The following TRPV4 variants were observed in gnomAD, a reference collection of about 807,000 sequenced individuals.
TRPV4 encodes the protein OSM9-like transient receptor potential channel 4.
TRPV4 carries 58 observed loss-of-function variants against 84.1 expected under a neutral mutation model. The observed-to-expected ratio is 0.69, with a 90% CI of 0.56 to 0.86. The LOEUF (loss-of-function observed/expected upper bound fraction) is 0.86, where lower values mean the gene tolerates loss of function less well. TRPV4 is among the 40% of genes least tolerant of loss of function. The probability of loss-of-function intolerance (pLI) is 0.00; values close to 1 mark genes in which losing one functional copy is unlikely to be tolerated. For missense variants in TRPV4, 879 were observed against 1,181.1 expected, an observed-to-expected ratio of 0.74 and a Z score of 3.75; for synonymous variants, 489 against 500.9, an observed-to-expected ratio of 0.98 and a Z score of 0.32.
intron 2 of TRPV4, among the ~76,000 whole-genome samples, chr12:109,813,975 G>GGATGGAT (rs964300686): frequency 1.3e-5 from 2 of 151,912 alleles, no homozygotes; most frequent in Non-Finnish European, 2.9e-5. Context: ...ATAGATGAAT[G>GGATGGAT]GATGGATGAT....
intron 4 of TRPV4, 124 bp from the exon 5 acceptor site, chr12:109,800,882 C>T: frequency 1.1e-6 from 1 of 887,108 alleles, no homozygotes; most frequent in South Asian, 1.4e-5. Context: ...AGAGTCCTGC[C>T]CAGCGACACC....
Position 109,800,676 on chromosome 12 carries a change from G to A in TRPV4, c.795C>T (p.His265=), listed in dbSNP as rs1344554. Residue 265 remains histidine, a synonymous_variant, in exon 5 of 16, where the codon CAC becomes CAT. Transcript: ENST00000261740. ...GGAAGAAGCGCCCACGGGCCTGGGCGTGGACATCAGCTCCCTGGGCCACGA... is the reference window on the plus strand; with the variant it reads ...GGAAGAAGCGCCCACGGGCCTGGGCATGGACATCAGCTCCCTGGGCCACGA... ...ELLVAQGADV[H]AQARGRFFQP... is the part of the protein sequence containing the mutation. The A allele has an allele frequency of 0.057, 92,318 of 1,614,104 alleles. 4,027 individuals carry two copies. Among genetic ancestry groups the A allele is most frequent in the African/African-American group, 0.17 (12,541 of 75,022 alleles).
Position 109,783,408 on chromosome 12 carries a change from C to G in TRPV4, c.*213G>C. The G allele has an allele frequency of 1.7e-6, 1 of 591,236 alleles. No homozygotes were observed. The highest frequency in any genetic ancestry group is 2.9e-6 in the Non-Finnish European group (1 of 342,604). 36.6% of individuals were successfully genotyped at this position (591,236 alleles called of 1,614,324 possible). On this transcript the variant is annotated 3_prime_UTR_variant, in exon 16 of 16. Coordinates refer to ENST00000261740, the MANE Select transcript of TRPV4 (RefSeq NM_021625.5). This position sits in a 1 kb window ranked among gnomAD's most constrained non-coding sequence, Gnocchi z 4.6. ...GGCTCTGGCGTTGGCTTATGTGACTCCATAGGAGCAAGACAGGTGGCCGGG... is the reference window on the plus strand; with the variant it reads ...GGCTCTGGCGTTGGCTTATGTGACTGCATAGGAGCAAGACAGGTGGCCGGG...
At position 109,794,453 on chromosome 12, in the gene TRPV4, T is replaced by C; in HGVS notation, c.1367A>G (p.Asn456Ser). 4 of 1,614,038 alleles carry C rather than the reference T, an allele frequency of 2.5e-6. No homozygotes were observed. The highest frequency in any genetic ancestry group is 2.2e-5 in the South Asian group (2 of 91,082). The change falls in exon 8 of 16, where the codon AAT becomes AGT. Residue 456 changes from asparagine (N) to serine (S), a missense_variant. Physicochemically the swap from Asn to Ser is conservative, Grantham distance 46. Coordinates refer to ENST00000261740, the MANE Select transcript of TRPV4 (RefSeq NM_021625.5). ...RHEMLAVEPI[N>S]ELLRDKWRKF... ...GCGCCACTTGTCCCGCAGCAGTTCA[T>C]TGATGGGCTCCACAGCCAGCATCTC...
chr12:109,813,868 GTAGATGGA>G (rs898317023), intron 2 of TRPV4, among the ~76,000 whole-genome samples: 12 of 151,738 alleles, frequency 7.9e-5, no homozygotes, highest in Middle Eastern at 3.4e-3. Context: ...TGGATGATGG[GTAGATGGA>G]TAGATGGATG....
chr12:109,792,531 C>A, intron 11 of TRPV4, 102 bp from the exon 12 acceptor site: 1 of 1,574,370 alleles, frequency 6.4e-7, no homozygotes, highest in South Asian at 1.1e-5. Context: ...GTGTCCAGAC[C>A]ATGCCTCCTG....
rs551719389 is a variant in TRPV4, at chr12:109,786,422, G to A, written c.2336+288C>T. Among the ~76,000 whole-genome samples, 3 of 152,320 alleles carry A rather than the reference G, an allele frequency of 2.0e-5. No individual in the cohort carries two copies. The highest frequency in any genetic ancestry group is 2.9e-5 in the Non-Finnish European group (2 of 68,026). On this transcript the variant is annotated intron_variant, in intron 14 of 15. Coordinates refer to ENST00000261740, the MANE Select transcript of TRPV4 (RefSeq NM_021625.5). This position sits in a 1 kb window ranked among gnomAD's most constrained non-coding sequence, Gnocchi z 4.5. ...AGGGGAGCCTGTGGCGTCCCGATGC[G>A]CGTCGGGCACTGGCTGAGCACTTCT... is the stretch of plus-strand genomic sequence containing the variant.
At chr12:109,800,204 C>T (rs1456292893) in intron 5 of TRPV4, among the ~76,000 whole-genome samples, 2 of 152,326 alleles carry the variant, frequency 1.3e-5, no homozygotes, top group East Asian at 3.9e-4. Flanking sequence ...CTCATCCTCC[C>T]AAAGTGCTGG....
At chr12:109,822,414 G>C (rs1892133504) in intron 1 of TRPV4, among the ~76,000 whole-genome samples, 1 of 152,266 alleles carries the variant, frequency 6.6e-6, no homozygotes, top group South Asian at 2.1e-4. Context: ...GGGGACATGT[G>C]GATAGGAAGG....
intron 2 of TRPV4, among the ~76,000 whole-genome samples, chr12:109,811,335 C>A (rs1304844470): frequency 6.6e-6 from 1 of 152,204 alleles, no homozygotes; most frequent in Non-Finnish European, 1.5e-5. Flanking sequence ...AGGGCCAACC[C>A]CACTGACTGG....
chr12:109,787,969 T>G (rs573535641), intron 13 of TRPV4, among the ~76,000 whole-genome samples: 49 of 152,358 alleles, frequency 3.2e-4, no homozygotes, highest in African/African-American at 1.1e-3. Flanking sequence ...CTAGGAAGCA[T>G]GCTCACAGTT....
intron 1 of TRPV4, among the ~76,000 whole-genome samples, chr12:109,818,000 G>A (rs529991336): frequency 2.0e-5 from 3 of 151,762 alleles, no homozygotes; most frequent in East Asian, 2.0e-4. Flanking sequence ...TAGGTACTGC[G>A]ATCGTTCCCA....
At chr12:109,829,394 C>A (rs571040627) in intron 1 of TRPV4, among the ~76,000 whole-genome samples, 1 of 152,296 alleles carries the variant, frequency 6.6e-6, no homozygotes, top group South Asian at 2.1e-4. Context: ...AGTTTTTAAG[C>A]ATTAAATCAG....
At chr12:109,808,681 CAG>C (rs1891301096) in intron 2 of TRPV4, among the ~76,000 whole-genome samples, 1 of 152,108 alleles carries the variant, frequency 6.6e-6, no homozygotes, top group Non-Finnish European at 1.5e-5. Flanking sequence ...TGGAGACAAA[CAG>C]AAAGAAATGC....
intron 4 of TRPV4, 49 bp from the exon 5 acceptor site, chr12:109,800,807 G>A (rs1890734610): frequency 6.5e-7 from 1 of 1,543,368 alleles, no homozygotes; most frequent in Non-Finnish European, 8.7e-7. Flanking sequence ...CAGAGACCTA[G>A]CCAGGCTTGC....
At position 109,796,528 on chromosome 12, in the gene TRPV4, A is replaced by T; in HGVS notation, c.1329T>A (p.Ile443=). Residue 443 remains isoleucine (I), a synonymous_variant, in exon 7 of 16, where the codon ATT becomes ATA. Coordinates refer to ENST00000261740, the MANE Select transcript of TRPV4 (RefSeq NM_021625.5). The surrounding 1 kb of genome is among the most constrained non-coding windows in gnomAD (Gnocchi z 4.2). ...CATGCCCCCTCCTGGAGCCCACCTC[A>T]ATCTTGCTGTTGTACACCAGGATCT... ...VLEILVYNSK[I]ENRHEMLAVE... 6.2e-7 allele frequency: 1 copy of T among 1,613,712 alleles called. No individual in the cohort carries two copies. Among genetic ancestry groups the T allele is most frequent in the Non-Finnish European group, 8.5e-7 (1 of 1,179,910 alleles).
rs1008528908 is a variant in TRPV4, at chr12:109,796,977, A to G, written c.1153-273T>C. On this transcript the variant is annotated intron_variant, in intron 6 of 15. Coordinates refer to ENST00000261740, the MANE Select transcript of TRPV4 (RefSeq NM_021625.5). This position sits in a 1 kb window ranked among gnomAD's most constrained non-coding sequence, Gnocchi z 4.2. ...GCCTTCAACATCTTAATTGTAATGA[A>G]TATCTTCTTCATGCCGTTAAAATAG... is the stretch of plus-strand genomic sequence containing the variant. 6.6e-6 allele frequency among the ~76,000 whole-genome samples: 1 copy of G among 152,314 alleles called. No individual in the cohort carries two copies. The highest frequency in any genetic ancestry group is 1.5e-5 in the Non-Finnish European group (1 of 68,028).
At chr12:109,811,390 G>A (rs1891505137) in intron 2 of TRPV4, among the ~76,000 whole-genome samples, 1 of 152,222 alleles carries the variant, frequency 6.6e-6, no homozygotes, top group South Asian at 2.1e-4. Context: ...GGGTGCGGTG[G>A]CTCACGCCTG....
At chr12:109,803,184 C>A in intron 3 of TRPV4, 41 bp from the exon 4 acceptor site, 1 of 1,611,010 alleles carries the variant, frequency 6.2e-7, no homozygotes, top group Non-Finnish European at 8.5e-7. Context: ...TGCTCCAGCC[C>A]ATGACCTTGA....
Sources: allele counts gnomAD v4.1 joint callset (sites outside exome capture counted in the v4.1 genomes callset), GRCh38; gene constraint gnomAD v4.1.1; non-coding constraint Gnocchi (gnomAD v3.1); transcripts MANE v1.5; gene names NCBI Gene and HGNC (gene_info 2026-07-23, HGNC 2026-07-21).